Variants in TEX11 observed in about 807,000 individuals in gnomAD.
The protein encoded by TEX11 is testis-expressed protein 11.
In TEX11, 7 loss-of-function variants were observed where a neutral mutation model predicts 84.4. That is an observed-to-expected ratio of 0.08 (90% confidence interval 0.05 to 0.16). TEX11 has a LOEUF of 0.16. TEX11 is among the 10% of genes least tolerant of loss of function. TEX11 has a pLI of 1.00. For missense variants in TEX11, 551 were observed against 660.5 expected (o/e 0.83, Z 1.82); for synonymous variants, 264 against 222.8 (o/e 1.18, Z -1.64).
At chrX:70,650,441 G>C (rs985972966) in intron 17 of TEX11, among the ~76,000 whole-genome samples, 12 of 111,122 alleles carry the variant, frequency 1.1e-4, no homozygotes, top group Non-Finnish European at 1.9e-4. Flanking sequence ...TAATATTTTT[G>C]CCATTTTTAC....
chrX:70,611,605 A>T (rs1453999938), intron 20 of TEX11, among the ~76,000 whole-genome samples: 2 of 111,701 alleles, frequency 1.8e-5, no homozygotes, highest in Non-Finnish European at 3.8e-5. Flanking sequence ...AAACACTTTA[A>T]AACATGCCAG....
At chrX:70,679,130 G>C (rs1210816151) in intron 14 of TEX11, among the ~76,000 whole-genome samples, 1 of 97,907 alleles carries the variant, frequency 1.0e-5, no homozygotes, top group Admixed American at 1.1e-4. Flanking sequence ...TGGTGGAGAC[G>C]AGGTTTCGCT....
At chrX:70,892,517 G>A (rs1342201588) in intron 2 of TEX11, among the ~76,000 whole-genome samples, 3 of 111,212 alleles carry the variant, frequency 2.7e-5, no homozygotes, top group African/African-American at 9.8e-5. Context: ...GGTGGATCAA[G>A]AGGTCAGGAG....
At chrX:70,615,776 C>T (rs1397237011) in intron 20 of TEX11, among the ~76,000 whole-genome samples, 1 of 111,963 alleles carries the variant, frequency 8.9e-6, no homozygotes, top group African/African-American at 3.2e-5. Flanking sequence ...AGAAAGAATC[C>T]TAAAAGCAAC....
chrX:70,903,552 A>G lies in TEX11; in HGVS notation c.37+4201T>C, dbSNP rs377611392. ...GACTGTATTTTATGCTGATCATATC[A>G]AACATAGAGAATTGTGTTCTATTCT... On this transcript the variant is annotated intron_variant, in intron 2 of 29. Coordinates refer to ENST00000374333, the MANE Select transcript of TEX11 (RefSeq NM_031276.3). Among the ~76,000 whole-genome samples, 7 of 110,700 alleles carry G rather than the reference A, an allele frequency of 6.3e-5. No individual in the cohort carries two copies. In the East Asian group the frequency reaches 8.9e-4, roughly 14 times the overall value.
intron 20 of TEX11, among the ~76,000 whole-genome samples, chrX:70,615,315 A>C (rs182787787): frequency 9.0e-6 from 1 of 111,529 alleles, no homozygotes; most frequent in East Asian, 2.8e-4. Context: ...GAAATTCAGA[A>C]CTCTATCACA....
rs1440893807 is a variant in TEX11, at chrX:70,713,002, A to T, written c.1004+9616T>A. Reference sequence around the variant, plus strand: ...TTTATTGAGAGTTTTTAGCATGAAGAGTTGTTGAATTTTGTCAAAGGCCTT... The same window carrying T: ...TTTATTGAGAGTTTTTAGCATGAAGTGTTGTTGAATTTTGTCAAAGGCCTT... On this transcript the variant is annotated intron_variant, in intron 13 of 29. Coordinates refer to ENST00000374333, the MANE Select transcript of TEX11 (RefSeq NM_031276.3). Among the ~76,000 whole-genome samples, 46 of 111,320 alleles carry T rather than the reference A, an allele frequency of 4.1e-4. No homozygotes were observed. In the East Asian group the frequency reaches 0.013, roughly 31 times the overall value.
chrX:70,560,801 T>C (rs1311573998), intron 25 of TEX11, among the ~76,000 whole-genome samples: 4 of 108,524 alleles, frequency 3.7e-5, no homozygotes, highest in African/African-American at 1.3e-4. Context: ...TAGCTCACTG[T>C]AACCTCAAAT....
intron 13 of TEX11, among the ~76,000 whole-genome samples, chrX:70,691,165 A>G (rs1007907263): frequency 8.9e-6 from 1 of 111,891 alleles, no homozygotes; most frequent in Admixed American, 9.5e-5. Context: ...TCAAAAGATA[A>G]GTGTTGGTGA....
intron 11 of TEX11, among the ~76,000 whole-genome samples, chrX:70,736,480 GT>G (rs920490714): frequency 9.3e-6 from 1 of 107,744 alleles, no homozygotes; most frequent in African/African-American, 3.4e-5. Context: ...AGTTTCCTGA[GT>G]TTTTTTCTTT....
intron 3 of TEX11, among the ~76,000 whole-genome samples, chrX:70,874,020 T>C (rs1191535599): frequency 2.7e-5 from 3 of 111,389 alleles, no homozygotes; most frequent in Non-Finnish European, 5.6e-5. Context: ...CTCACAGTAA[T>C]GAGTGAGTTC....
At chrX:70,624,204 A>G (rs1381252982) in intron 19 of TEX11, among the ~76,000 whole-genome samples, 198 bp from the exon 20 acceptor site, 3 of 112,121 alleles carry the variant, frequency 2.7e-5, no homozygotes, top group Non-Finnish European at 5.6e-5. Context: ...CCAATTTTAT[A>G]ATTTTGAAAG....
At chrX:70,543,420 G>T (rs2088074346) in intron 28 of TEX11, among the ~76,000 whole-genome samples, 1 of 110,912 alleles carries the variant, frequency 9.0e-6, no homozygotes, top group Non-Finnish European at 1.9e-5. Flanking sequence ...AATGCACAGA[G>T]AAATTTTGGC....
intron 9 of TEX11, among the ~76,000 whole-genome samples, chrX:70,789,523 C>T (rs765033315): frequency 9.0e-5 from 10 of 111,627 alleles, no homozygotes; most frequent in Admixed American, 4.8e-4. Context: ...ACCCTGGAGG[C>T]GGAGGTTGAA....
At chrX:70,865,284 A>T (rs1224954008) in intron 4 of TEX11, among the ~76,000 whole-genome samples, 1 of 111,791 alleles carries the variant, frequency 8.9e-6, no homozygotes, top group Non-Finnish European at 1.9e-5. Context: ...ACAAAGATCA[A>T]AAGAGACAAA....
At chrX:70,782,625 T>C (rs1204155970) in intron 9 of TEX11, among the ~76,000 whole-genome samples, 2 of 51,165 alleles carry the variant, frequency 3.9e-5, no homozygotes, top group Non-Finnish European at 6.3e-5. Flanking sequence ...TAGAGGAAGA[T>C]CTACCAAGCA....
intron 2 of TEX11, among the ~76,000 whole-genome samples, chrX:70,895,641 C>G (rs2091762546): frequency 8.9e-6 from 1 of 111,821 alleles, no homozygotes; most frequent in African/African-American, 3.2e-5. Context: ...GCTACAATAA[C>G]CAAAACAGCA....
chrX:70,596,586 T>C (rs80022207), intron 24 of TEX11, among the ~76,000 whole-genome samples: 8,642 of 110,117 alleles, frequency 0.078, 421 homozygotes, highest in Admixed American at 0.24. Flanking sequence ...TATTTTGAGA[T>C]GAATGAAAAA....
chrX:70,722,102 T>A (rs2090563848), intron 13 of TEX11, among the ~76,000 whole-genome samples: 1 of 112,075 alleles, frequency 8.9e-6, no homozygotes, highest in Admixed American at 9.5e-5. Context: ...AGAAAAGAAC[T>A]ATTTTAAATG....
Sources: gnomAD v4.1 joint callset for allele counts (sites outside exome capture counted in the v4.1 genomes callset) on GRCh38, gnomAD v4.1.1 for gene constraint, MANE v1.5 for transcripts, NCBI Gene and HGNC (gene_info 2026-07-23, HGNC 2026-07-21) for gene names.